SYT11: variants seen among roughly 807,000 people sequenced by gnomAD.
SYT11 encodes the protein synaptotagmin-11.
A neutral mutation model predicts 30.4 loss-of-function variants in SYT11; 12 were observed. That is an observed-to-expected ratio of 0.39 (90% CI 0.25 to 0.64). SYT11 has a LOEUF of 0.64. Ranked by LOEUF, SYT11 falls within the 30% of genes least tolerant of loss-of-function variation. The pLI is 0.45. For synonymous variants in SYT11, 204 were observed against 216.0 expected (o/e 0.94, Z 0.49); for missense variants, 412 against 552.0 (o/e 0.75, Z 2.54).
chr1:155,863,232 G>T (rs1672620065), intron 1 of SYT11, among the ~76,000 whole-genome samples: 1 of 152,008 alleles, frequency 6.6e-6, no homozygotes, highest in Non-Finnish European at 1.5e-5. Flanking sequence ...GAGGCAAGAG[G>T]ATCTTGAGGC....
At chr1:155,878,297 G>A (rs1244628397) in intron 2 of SYT11, among the ~76,000 whole-genome samples, 1 of 152,114 alleles carries the variant, frequency 6.6e-6, no homozygotes, top group Admixed American at 6.6e-5. Flanking sequence ...TTGTATGGGT[G>A]CTGCTGACTC....
At position 155,883,489 on chromosome 1, in the gene SYT11, A is replaced by C. The variant is rs1673014360; in HGVS notation, c.*1981A>C. On this transcript the variant is annotated 3_prime_UTR_variant, in exon 4 of 4. Transcript: ENST00000368324. ...GTAGAGGCTGCAGTGAGCCATGATCATGCCACTGCACTCTGGGCTGGGTAA... is the reference window on the plus strand; with the variant it reads ...GTAGAGGCTGCAGTGAGCCATGATCCTGCCACTGCACTCTGGGCTGGGTAA... The C allele has an allele frequency of 6.6e-6, 1 of 152,236 alleles. No individual in the cohort carries two copies. The highest frequency in any genetic ancestry group is 2.4e-5 in the African/African-American group (1 of 41,452). 9.4% of individuals were successfully genotyped at this position (152,236 alleles called of 1,614,324 possible). A position where few individuals can be genotyped will look rare whatever the true frequency, so the allele number is the denominator to read the frequency against.
rs1230756013 is a variant in SYT11, at chr1:155,862,338, G to A, written c.34+2543G>A. The stretch of plus-strand genomic sequence containing the variant: ...ATTTCCCACCAAGCTTTGGACTAAA[G>A]CAAGACAGAGAGCTCTAGGTTTTAA... On this transcript the variant is annotated intron_variant, in intron 1 of 3. Coordinates refer to ENST00000368324, the MANE Select transcript of SYT11 (RefSeq NM_152280.5). Among the ~76,000 whole-genome samples the A allele has an allele frequency of 2.0e-5, 3 of 152,218 alleles. No individual in the cohort carries two copies. The East Asian group carries it at 5.8e-4, about 29-fold the overall frequency.
At chr1:155,878,886 A>G (rs1344035703) in intron 2 of SYT11, among the ~76,000 whole-genome samples, 3 of 151,012 alleles carry the variant, frequency 2.0e-5, no homozygotes, top group African/African-American at 7.3e-5. Flanking sequence ...AAAATTAAAA[A>G]ATAAATAAAT....
At chr1:155,874,374 T>C (rs1219711024) in intron 2 of SYT11, among the ~76,000 whole-genome samples, 1 of 151,214 alleles carries the variant, frequency 6.6e-6, no homozygotes, top group Non-Finnish European at 1.5e-5. Context: ...CTGAGACGGA[T>C]AGATCACTTG....
In SYT11 at chr1:155,881,452, G is replaced by T; in HGVS notation, c.1240G>T (p.Val414Phe). Residue 414 changes from valine to phenylalanine, a missense_variant, in exon 4 of 4, where the codon GTC becomes TTC. By Grantham distance (50) the Val-to-Phe change is conservative. Transcript: ENST00000368324. ...TASGAEHWRE[V>F]CESPRKPVAK... ...CAGTGGTGCTGAACACTGGAGAGAGGTCTGCGAGAGCCCCCGCAAGCCTGT... is the reference window on the plus strand; with the variant it reads ...CAGTGGTGCTGAACACTGGAGAGAGTTCTGCGAGAGCCCCCGCAAGCCTGT... 1 of 1,613,420 alleles carries T rather than the reference G, an allele frequency of 6.2e-7. No individual in the cohort carries two copies. Among genetic ancestry groups the T allele is most frequent in the Non-Finnish European group, 8.5e-7 (1 of 1,179,452 alleles).
intron 2 of SYT11, among the ~76,000 whole-genome samples, chr1:155,876,554 C>T (rs1466812064): frequency 6.6e-6 from 1 of 151,312 alleles, no homozygotes; most frequent in Admixed American, 6.6e-5. Flanking sequence ...CCAAAACTCA[C>T]CTCCTTTTGT....
rs11419325 is a variant in SYT11 at position 155,866,116 on chromosome 1, CT to C, written c.35-1835del. On this transcript the variant is annotated intron_variant, in intron 1 of 3. Coordinates refer to ENST00000368324, the MANE Select transcript of SYT11 (RefSeq NM_152280.5). ...CTATTTCTCTTTCTCTTTTTTTTTT[CT>C]TTTTTTTTTTTTTGAGATGGGGTCT... 2.9e-4 allele frequency among the ~76,000 whole-genome samples: 36 copies of C among 123,258 alleles called. No individual in the cohort carries two copies. The South Asian group carries it at 3.7e-3, about 13-fold the overall frequency. The allele number at this position is 123,258 out of a possible 152,430, so 80.9% of individuals were successfully genotyped here. A position where few individuals can be genotyped will look rare whatever the true frequency, so the allele number is the denominator to read the frequency against.
At chr1:155,873,767 T>C (rs1339373884) in intron 2 of SYT11, among the ~76,000 whole-genome samples, 1 of 152,204 alleles carries the variant, frequency 6.6e-6, no homozygotes, top group African/African-American at 2.4e-5. Flanking sequence ...ATAATTTTAA[T>C]TTTATTTAAT....
rs1171784073 is a variant in SYT11 at position 155,860,595 on chromosome 1, C to T, written c.34+800C>T. ...TGACCAGCGTTGATGCTGGCGGGGG[C>T]GCGATCCAGGCCGGAGGGGGAGGGG... On this transcript the variant is annotated intron_variant, in intron 1 of 3. Coordinates refer to ENST00000368324, the MANE Select transcript of SYT11 (RefSeq NM_152280.5). This position sits in a 1 kb window ranked among gnomAD's most constrained non-coding sequence, Gnocchi z 4.1. Among the ~76,000 whole-genome samples the T allele has an allele frequency of 1.3e-5, 2 of 151,922 alleles. No homozygotes were observed. Among genetic ancestry groups the T allele is most frequent in the Non-Finnish European group, 2.9e-5 (2 of 67,972 alleles).
At chr1:155,861,685 C>T (rs1672593150) in intron 1 of SYT11, among the ~76,000 whole-genome samples, 1 of 152,186 alleles carries the variant, frequency 6.6e-6, no homozygotes, top group South Asian at 2.1e-4. Flanking sequence ...ATGGCGTGAT[C>T]TTGGCCCACC....
chr1:155,869,161 A>G (rs1157717897), intron 2 of SYT11, among the ~76,000 whole-genome samples: 1 of 148,248 alleles, frequency 6.7e-6, no homozygotes, highest in Non-Finnish European at 1.5e-5. Context: ...CAGTGAATTT[A>G]TTTTTCACAG....
intron 1 of SYT11, 26 bp from the exon 2 acceptor site, chr1:155,867,939 G>T: frequency 6.4e-7 from 1 of 1,569,970 alleles, no homozygotes; most frequent in South Asian, 1.2e-5. Flanking sequence ...CACCCGCCCT[G>T]ACACATCTCT....
In SYT11 at chr1:155,881,106, C is replaced by G. The variant is rs1672952587; in HGVS notation, c.986-92C>G. ...GCCATCAAAGATACGAACAACAGAG[C>G]CCCCCCTTTCCCAACATGAAATTAC... On this transcript the variant is annotated intron_variant, in intron 3 of 3. Transcript: ENST00000368324. 4 of 1,333,440 alleles carry G rather than the reference C, an allele frequency of 3.0e-6. No homozygotes were observed. The South Asian group carries it at 5.6e-5, about 19-fold the overall frequency. The allele number at this position is 1,333,440 out of a possible 1,614,324, so 82.6% of individuals were successfully genotyped here. A position where few individuals can be genotyped will look rare whatever the true frequency, so the allele number is the denominator to read the frequency against.
intron 2 of SYT11, among the ~76,000 whole-genome samples, chr1:155,869,263 C>CT (rs767071892): frequency 0.81 from 67,939 of 84,178 alleles, 28,813 homozygotes; most frequent in East Asian, 0.92. Context: ...ATGTACATGT[C>CT]TTTTTTTTTT....
intron 2 of SYT11, among the ~76,000 whole-genome samples, chr1:155,878,170 G>T (rs1672899093): frequency 6.8e-6 from 1 of 146,114 alleles, no homozygotes; most frequent in African/African-American, 2.5e-5. Flanking sequence ...CTGAGCCCAG[G>T]AGGTGGAGGT....
At chr1:155,872,104 T>TAA (rs1672789531) in intron 2 of SYT11, among the ~76,000 whole-genome samples, 1 of 151,698 alleles carries the variant, frequency 6.6e-6, no homozygotes, top group South Asian at 2.1e-4. Flanking sequence ...AATAAAAAAA[T>TAA]AAAAGAAAAT....
At chr1:155,880,686 C>T (rs1672945870) in intron 3 of SYT11, 63 bp downstream of exon 3, 1 of 1,590,412 alleles carries the variant, frequency 6.3e-7, no homozygotes, top group Non-Finnish European at 8.6e-7. Flanking sequence ...TGCCTGTGGC[C>T]CAGATAGACC....
intron 2 of SYT11, among the ~76,000 whole-genome samples, chr1:155,879,153 A>G (rs1672921319): frequency 6.6e-6 from 1 of 152,154 alleles, no homozygotes; most frequent in Non-Finnish European, 1.5e-5. Context: ...ACGGTGGCTC[A>G]CGCTTGTAAT....
Sources: gnomAD v4.1 joint callset for allele counts (sites outside exome capture counted in the v4.1 genomes callset) on GRCh38, gnomAD v4.1.1 for gene constraint, Gnocchi (gnomAD v3.1) non-coding constraint, MANE v1.5 for transcripts, NCBI Gene and HGNC (gene_info 2026-07-23, HGNC 2026-07-21) for gene names.